The following CCSER1 variants were observed in gnomAD, a reference collection of about 807,000 sequenced individuals.
The protein encoded by CCSER1 is serine-rich coiled-coil domain-containing protein 1.
A neutral mutation model predicts 82.0 loss-of-function variants in CCSER1; 41 were observed. The ratio of observed to expected loss-of-function variants is 0.50; its 90% confidence interval spans 0.39 to 0.65. The LOEUF (loss-of-function observed/expected upper bound fraction) is 0.65, where lower values mean the gene tolerates loss of function less well. Ranked by LOEUF, CCSER1 falls within the 30% of genes least tolerant of loss-of-function variation. The pLI is 0.00. For synonymous variants in CCSER1, 414 were observed against 383.9 expected (o/e 1.08, Z -0.92); for missense variants, 1,119 against 1,064.2 (o/e 1.05, Z -0.72).
intron 5 of CCSER1, among the ~76,000 whole-genome samples, chr4:90,501,050 CTT>C (rs949551242): frequency 3.3e-5 from 5 of 151,936 alleles, no homozygotes; most frequent in African/African-American, 1.2e-4. Context: ...TGTTTTCACT[CTT>C]GTCATTTTAA....
chr4:90,568,967 C>G (rs968366516), intron 5 of CCSER1, among the ~76,000 whole-genome samples: 1 of 151,936 alleles, frequency 6.6e-6, no homozygotes, highest in East Asian at 1.9e-4. Context: ...AGGATTTCAC[C>G]ATGTTGGTCA....
chr4:90,591,217 A>G (rs886324734), intron 5 of CCSER1, among the ~76,000 whole-genome samples: 6 of 152,138 alleles, frequency 3.9e-5, no homozygotes, highest in African/African-American at 1.4e-4. Flanking sequence ...TAAATATCCA[A>G]TCATGTCATC....
At chr4:90,422,657 A>C (rs537349653) in intron 4 of CCSER1, among the ~76,000 whole-genome samples, 1 of 152,268 alleles carries the variant, frequency 6.6e-6, no homozygotes, top group African/African-American at 2.4e-5. Flanking sequence ...AGAAAAAAAA[A>C]CACCAAACGA....
At chr4:91,180,323 A>G (rs1220878856) in intron 10 of CCSER1, among the ~76,000 whole-genome samples, 3 of 151,930 alleles carry the variant, frequency 2.0e-5, no homozygotes, top group Admixed American at 6.6e-5. Flanking sequence ...GAGAACCACT[A>G]CTCTCTTCAA....
At chr4:90,629,823 T>G (rs965933614) in intron 6 of CCSER1, among the ~76,000 whole-genome samples, 5 of 152,200 alleles carry the variant, frequency 3.3e-5, no homozygotes, top group African/African-American at 7.2e-5. Context: ...TCAAAATAAA[T>G]TATATGAACT....
chr4:90,499,682 A>G (rs1769562094), intron 5 of CCSER1, among the ~76,000 whole-genome samples: 1 of 152,166 alleles, frequency 6.6e-6, no homozygotes, highest in Non-Finnish European at 1.5e-5. Context: ...CCAAAATGGT[A>G]TCATAACTCC....
At chr4:90,912,837 G>A (rs373831354) in intron 8 of CCSER1, among the ~76,000 whole-genome samples, 3 of 152,176 alleles carry the variant, frequency 2.0e-5, no homozygotes, top group East Asian at 1.9e-4. Context: ...ACTACGTGAC[G>A]AATGCCCAAG....
At chr4:91,299,054 T>G (rs534268709) in intron 10 of CCSER1, among the ~76,000 whole-genome samples, 6 of 151,998 alleles carry the variant, frequency 3.9e-5, no homozygotes, top group African/African-American at 1.4e-4. Context: ...CATTCTATGT[T>G]TAACAGGCTA....
intron 1 of CCSER1, among the ~76,000 whole-genome samples, chr4:90,153,919 T>C (rs1727448802): frequency 6.6e-6 from 1 of 152,214 alleles, no homozygotes. Flanking sequence ...TTGTTGCCAT[T>C]GCTTTTGGTG....
chr4:91,301,452 A>G (rs1205234449), intron 10 of CCSER1, among the ~76,000 whole-genome samples: 1 of 151,474 alleles, frequency 6.6e-6, no homozygotes, highest in Non-Finnish European at 1.5e-5. Context: ...TTTGATGCTG[A>G]GTTTATACAA....
intron 5 of CCSER1, among the ~76,000 whole-genome samples, chr4:90,537,973 A>G (rs916850757): frequency 3.9e-5 from 6 of 152,020 alleles, no homozygotes; most frequent in African/African-American, 1.4e-4. Context: ...AATTGCATCT[A>G]CTGTATCTCT....
At chr4:91,178,231 C>T (rs1304936892) in intron 10 of CCSER1, among the ~76,000 whole-genome samples, 2 of 152,126 alleles carry the variant, frequency 1.3e-5, no homozygotes, top group Non-Finnish European at 2.9e-5. Flanking sequence ...TTACCTCCAA[C>T]TATGTGGTCG....
chr4:90,691,683 G>GTA (rs1560952262), intron 6 of CCSER1, among the ~76,000 whole-genome samples: 5 of 140,120 alleles, frequency 3.6e-5, no homozygotes, highest in South Asian at 2.3e-4. Context: ...GTATCTATGT[G>GTA]TATATATATA....
At chr4:90,368,730 T>C (rs1322408345) in intron 3 of CCSER1, among the ~76,000 whole-genome samples, 3 of 151,834 alleles carry the variant, frequency 2.0e-5, no homozygotes, top group Admixed American at 2.0e-4. Context: ...GCCTTCCTTA[T>C]CTCTGTTTTA....
intron 4 of CCSER1, among the ~76,000 whole-genome samples, chr4:90,415,669 G>T (rs1755679938): frequency 2.6e-5 from 4 of 152,040 alleles, no homozygotes; most frequent in Admixed American, 2.6e-4. Context: ...TAAGAATTTG[G>T]GTTTGTGTTT....
intron 1 of CCSER1, among the ~76,000 whole-genome samples, chr4:90,281,029 A>G (rs566504579): frequency 6.6e-6 from 1 of 152,156 alleles, no homozygotes; most frequent in East Asian, 1.9e-4. Context: ...TCCAACTTCA[A>G]AAGTATTTTA....
Position 90,639,055 on chromosome 4 carries a change from G to A in CCSER1, c.1932+10823G>A, listed in dbSNP as rs146766308. Among the ~76,000 whole-genome samples, 146 of 152,038 alleles carry A rather than the reference G, an allele frequency of 9.6e-4. 2 individuals are homozygous for A. Among genetic ancestry groups the A allele is most frequent in the African/African-American group, 3.2e-3 (133 of 41,486 alleles). ...ACATCACAGTGTGAGTTTGGGGTAGGCACTCATGAACATGAGCCACTGCAG... is the reference window on the plus strand; with the variant it reads ...ACATCACAGTGTGAGTTTGGGGTAGACACTCATGAACATGAGCCACTGCAG... On this transcript the variant is annotated intron_variant, in intron 6 of 10. Coordinates refer to ENST00000509176, the MANE Select transcript of CCSER1 (RefSeq NM_001145065.2).
chr4:90,313,147 C>T, intron 3 of CCSER1, 100 bp downstream of exon 3: 1 of 993,164 alleles, frequency 1.0e-6, no homozygotes, highest in Non-Finnish European at 1.5e-6. Context: ...GGATAGACAC[C>T]TCATATTTGA....
At chr4:91,174,774 T>C (rs1378758900) in intron 10 of CCSER1, among the ~76,000 whole-genome samples, 1 of 152,086 alleles carries the variant, frequency 6.6e-6, no homozygotes, top group Admixed American at 6.6e-5. Context: ...TCATATTATT[T>C]ATTAAGCTCC....
Sources: gnomAD v4.1 joint callset for allele counts (sites outside exome capture counted in the v4.1 genomes callset) on GRCh38, gnomAD v4.1.1 for gene constraint, MANE v1.5 for transcripts, NCBI Gene and HGNC (gene_info 2026-07-23, HGNC 2026-07-21) for gene names.